The following MTHFD1L variants were observed in gnomAD, a reference collection of about 807,000 sequenced individuals.
The protein encoded by MTHFD1L is monofunctional C1-tetrahydrofolate synthase, mitochondrial.
A neutral mutation model predicts 119.5 loss-of-function variants in MTHFD1L; 81 were observed. That is an observed-to-expected ratio of 0.68 (90% CI 0.57 to 0.82). The LOEUF is 0.82. Among genes scored for constraint, MTHFD1L ranks in the 40% least tolerant of loss-of-function variants. The pLI is 0.00. For synonymous variants in MTHFD1L, 430 were observed against 475.2 expected, an observed-to-expected ratio of 0.90 and a Z score of 1.24; for missense variants, 1,125 against 1,253.4, an observed-to-expected ratio of 0.90 and a Z score of 1.55.
chr6:151,009,726 G>A, intron 20 of MTHFD1L, 93 bp from the exon 21 acceptor site: 2 of 1,359,666 alleles, frequency 1.5e-6, no homozygotes, highest in Middle Eastern at 2.1e-4. Context: ...AGGAATGTAA[G>A]CTGTCCTTTG....
chr6:150,994,812 C>T (rs1020057102), intron 20 of MTHFD1L, among the ~76,000 whole-genome samples: 3 of 152,044 alleles, frequency 2.0e-5, no homozygotes, highest in African/African-American at 7.2e-5. Flanking sequence ...GATACAGAAC[C>T]GTCTTTAGAG....
In MTHFD1L at chr6:150,865,747, CT is replaced by C; in HGVS notation, c.-75del. 21 of 1,177,512 alleles carry C rather than the reference CT, an allele frequency of 1.8e-5. No homozygotes were observed. The highest frequency in any genetic ancestry group is 2.2e-5 in the Non-Finnish European group (21 of 951,788). The allele number at this position is 1,177,512 out of a possible 1,614,324, so 72.9% of individuals were successfully genotyped here. ...CCGCCGCCGCCGCCGCCGCCGCCGC[CT>C]GCTCCCCTGGCACGCGCCCCGCCGC... On this transcript the variant is annotated 5_prime_UTR_variant, in exon 1 of 28. Transcript: ENST00000367321.
intron 9 of MTHFD1L, among the ~76,000 whole-genome samples, chr6:150,920,643 G>A (rs1199989191): frequency 1.3e-5 from 2 of 152,002 alleles, no homozygotes; most frequent in Admixed American, 1.3e-4. Context: ...TTGGAAGCTG[G>A]GCATCCAAGC....
chr6:150,969,521 A>AT (rs2129015928), intron 19 of MTHFD1L, among the ~76,000 whole-genome samples: 1 of 151,880 alleles, frequency 6.6e-6, no homozygotes, highest in Non-Finnish European at 1.5e-5. Flanking sequence ...TCAAAAAAAA[A>AT]AAAAAAGAGT....
intron 20 of MTHFD1L, among the ~76,000 whole-genome samples, chr6:150,977,811 C>T (rs1186834185): frequency 6.6e-6 from 1 of 152,082 alleles, no homozygotes; most frequent in Non-Finnish European, 1.5e-5. Context: ...GGGTCACCAG[C>T]CACTGGTGGA....
chr6:151,084,024 A>G (rs1447841799), intron 26 of MTHFD1L, among the ~76,000 whole-genome samples: 1 of 152,192 alleles, frequency 6.6e-6, no homozygotes, highest in Non-Finnish European at 1.5e-5. Flanking sequence ...AACAAACACA[A>G]GTTATAAATG....
intron 1 of MTHFD1L, chr6:150,866,498 CG>C (rs1451366873): frequency 7.6e-7 from 1 of 1,310,800 alleles, no homozygotes; most frequent in African/African-American, 1.6e-5. Flanking sequence ...GAAGGGCAAG[CG>C]GAGCTCGGGA....
chr6:151,050,835 A>T (rs556438832), intron 26 of MTHFD1L, among the ~76,000 whole-genome samples: 121 of 152,120 alleles, frequency 8.0e-4, no homozygotes, highest in Non-Finnish European at 1.5e-3. Flanking sequence ...CAACACGCTT[A>T]TGTGTGCCAG....
At position 150,960,291 on chromosome 6, in the gene MTHFD1L, C is replaced by T; in HGVS notation, c.1820C>T (p.Ala607Val). 1 of 1,613,264 alleles carries T rather than the reference C, an allele frequency of 6.2e-7. No individual in the cohort carries two copies. Among genetic ancestry groups the T allele is most frequent in the African/African-American group, 1.3e-5 (1 of 74,998 alleles). ...GHYRQAQFDIAVASEIMAVLA... is the reference protein window; with the variant it reads ...GHYRQAQFDIVVASEIMAVLA... The stretch of plus-strand genomic sequence containing the variant: ...CTGGTTCAGGCGCAGTTTGACATCG[C>T]AGTGGCCAGCGAGATCATGGCGGTG... The change falls in exon 18 of 28, where the codon GCA becomes GTA. Residue 607 changes from alanine (A) to valine (V), a missense_variant. This residue lies in a region of MTHFD1L where 1,058 missense variants were observed against 1,151.2 expected (regional missense o/e 0.92). Transcript: ENST00000367321.
chr6:150,949,832 C>T (rs1389739097), intron 16 of MTHFD1L, among the ~76,000 whole-genome samples: 1 of 152,176 alleles, frequency 6.6e-6, no homozygotes, highest in Non-Finnish European at 1.5e-5. Context: ...CACTGACTCA[C>T]TGCATGATCT....
At chr6:150,885,556 T>C in intron 5 of MTHFD1L, 78 bp from the exon 6 acceptor site, 1 of 979,770 alleles carries the variant, frequency 1.0e-6, no homozygotes, top group Non-Finnish European at 1.6e-6. Context: ...TTATTTGGGG[T>C]TAATATATGT....
chr6:150,959,567 C>T (rs906627089), intron 17 of MTHFD1L, among the ~76,000 whole-genome samples: 3 of 152,210 alleles, frequency 2.0e-5, no homozygotes, highest in Non-Finnish European at 4.4e-5. Context: ...CTACTGAAAG[C>T]TTCAAGATCT....
chr6:151,094,806 A>G (rs1794756146), intron 27 of MTHFD1L, among the ~76,000 whole-genome samples: 2 of 150,374 alleles, frequency 1.3e-5, no homozygotes, highest in African/African-American at 2.5e-5. Flanking sequence ...AGCCTCCCAA[A>G]GTGCTGAGAT....
intron 7 of MTHFD1L, among the ~76,000 whole-genome samples, chr6:150,901,354 A>G (rs1400209754): frequency 6.6e-6 from 1 of 152,204 alleles, no homozygotes; most frequent in Non-Finnish European, 1.5e-5. Flanking sequence ...AAGCACATCT[A>G]TAGTCCCAGC....
At chr6:151,016,975 G>A (rs1049056770) in intron 24 of MTHFD1L, among the ~76,000 whole-genome samples, 4 of 151,144 alleles carry the variant, frequency 2.6e-5, no homozygotes, top group African/African-American at 7.3e-5. Context: ...GGGTTTCACC[G>A]TGTTGCCCGG....
At chr6:151,025,312 T>C (rs1784479081) in intron 24 of MTHFD1L, among the ~76,000 whole-genome samples, 1 of 152,194 alleles carries the variant, frequency 6.6e-6, no homozygotes, top group South Asian at 2.1e-4. Context: ...AGGACATGCT[T>C]TGTGTCAACG....
chr6:150,962,851 A>T (rs1049699772), intron 18 of MTHFD1L, among the ~76,000 whole-genome samples: 15 of 152,044 alleles, frequency 9.9e-5, no homozygotes, highest in African/African-American at 3.6e-4. Flanking sequence ...GCTCTGCATT[A>T]GCACAACAGG....
intron 9 of MTHFD1L, among the ~76,000 whole-genome samples, chr6:150,920,855 C>G (rs1278118248): frequency 6.6e-6 from 1 of 152,008 alleles, no homozygotes; most frequent in Non-Finnish European, 1.5e-5. Flanking sequence ...TCACTGCAGC[C>G]TCCACCTCCC....
chr6:151,023,565 G>A (rs1242697874), intron 24 of MTHFD1L, among the ~76,000 whole-genome samples: 2 of 152,096 alleles, frequency 1.3e-5, no homozygotes, highest in Non-Finnish European at 2.9e-5. Flanking sequence ...CCTTCTCAAA[G>A]CATCCCACTC....
Sources: gnomAD v4.1 joint callset for allele counts (sites outside exome capture counted in the v4.1 genomes callset) on GRCh38, gnomAD v4.1.1 for gene constraint, gnomAD v4.1.1 regional missense constraint, MANE v1.5 for transcripts, NCBI Gene and HGNC (gene_info 2026-07-23, HGNC 2026-07-21) for gene names.